The following CNTNAP2 variants were observed in gnomAD, a reference collection of about 807,000 sequenced individuals.
The protein encoded by CNTNAP2 is contactin associated protein 2.
CNTNAP2 carries 98 observed loss-of-function variants against 155.2 expected under a neutral mutation model. The ratio of observed to expected loss-of-function variants is 0.63; its 90% CI spans 0.54 to 0.75. The LOEUF (loss-of-function observed/expected upper bound fraction) is 0.75. Among genes scored for constraint, CNTNAP2 ranks in the 30% least tolerant of loss-of-function variants. The pLI, the probability that CNTNAP2 is intolerant of heterozygous loss-of-function variation, is 0.00. For synonymous variants in CNTNAP2, 651 were observed against 631.2 expected (o/e 1.03, Z -0.47); for missense variants, 1,727 against 1,688.1 (o/e 1.02, Z -0.40).
chr7:147,063,856 G>A (rs746533696), intron 4 of CNTNAP2, among the ~76,000 whole-genome samples: 36 of 152,058 alleles, frequency 2.4e-4, no homozygotes, highest in Middle Eastern at 3.4e-3. Flanking sequence ...AAATATAAAA[G>A]CAGTATAAAA....
intron 11 of CNTNAP2, among the ~76,000 whole-genome samples, chr7:147,524,489 A>G (rs903522679): frequency 1.3e-5 from 2 of 152,182 alleles, no homozygotes; most frequent in Non-Finnish European, 2.9e-5. Flanking sequence ...AATGTGGGAG[A>G]CAAAGGTTTA....
At chr7:147,590,844 T>C (rs150469281) in intron 12 of CNTNAP2, among the ~76,000 whole-genome samples, 221 of 152,270 alleles carry the variant, frequency 1.5e-3, no homozygotes, top group African/African-American at 4.9e-3. Context: ...ACAAGTTGAG[T>C]TCATTTTTAA....
intron 1 of CNTNAP2, among the ~76,000 whole-genome samples, chr7:146,317,958 G>A (rs896541307): frequency 3.3e-5 from 5 of 152,058 alleles, no homozygotes; most frequent in Admixed American, 2.0e-4. Context: ...TGGCTAACAC[G>A]GTGAAACCTC....
At chr7:147,797,198 T>G (rs1797911053) in intron 13 of CNTNAP2, among the ~76,000 whole-genome samples, 1 of 152,188 alleles carries the variant, frequency 6.6e-6, no homozygotes, top group South Asian at 2.1e-4. Flanking sequence ...TAATTTCACC[T>G]ACATGGTTAC....
At chr7:147,880,303 G>A (rs1799496732) in intron 13 of CNTNAP2, among the ~76,000 whole-genome samples, 1 of 152,210 alleles carries the variant, frequency 6.6e-6, no homozygotes, top group African/African-American at 2.4e-5. Flanking sequence ...CCAATAGCAG[G>A]ATGGATGGAT....
intron 4 of CNTNAP2, among the ~76,000 whole-genome samples, chr7:147,045,132 A>T (rs1198148938): frequency 6.6e-6 from 1 of 152,086 alleles, no homozygotes; most frequent in Non-Finnish European, 1.5e-5. Flanking sequence ...CAGCTGTTAC[A>T]ATTCCCTGGG....
At chr7:146,702,837 T>C (rs557777110) in intron 1 of CNTNAP2, among the ~76,000 whole-genome samples, 2 of 152,238 alleles carry the variant, frequency 1.3e-5, no homozygotes, top group South Asian at 2.1e-4. Flanking sequence ...CTTTAACATG[T>C]TAAAGATCAT....
chr7:147,087,223 T>C (rs895813378), intron 4 of CNTNAP2, among the ~76,000 whole-genome samples: 10 of 152,204 alleles, frequency 6.6e-5, no homozygotes, highest in African/African-American at 2.4e-4. Context: ...AAACGTTAAG[T>C]ATCATTAGAT....
At chr7:146,993,021 G>A (rs548999254) in intron 3 of CNTNAP2, among the ~76,000 whole-genome samples, 1 of 152,278 alleles carries the variant, frequency 6.6e-6, no homozygotes, top group East Asian at 1.9e-4. Context: ...AGCAACCTCA[G>A]TTCTTGCCTC....
intron 13 of CNTNAP2, among the ~76,000 whole-genome samples, chr7:147,880,479 C>T (rs778956009): frequency 8.6e-5 from 13 of 151,960 alleles, no homozygotes; most frequent in Non-Finnish European, 1.5e-4. Context: ...CTGATTTAAA[C>T]GTACAAATGA....
chr7:148,330,319 GAT>G (rs1371256700), intron 21 of CNTNAP2, among the ~76,000 whole-genome samples: 1 of 151,684 alleles, frequency 6.6e-6, no homozygotes, highest in African/African-American at 2.4e-5. Context: ...GGAGCAGATG[GAT>G]AGAGTGAACA....
chr7:147,860,148 G>A (rs1012837970), intron 13 of CNTNAP2, among the ~76,000 whole-genome samples: 1 of 152,122 alleles, frequency 6.6e-6, no homozygotes, highest in African/African-American at 2.4e-5. Context: ...TTGGAGACTG[G>A]GTGCAGTGGC....
intron 13 of CNTNAP2, among the ~76,000 whole-genome samples, chr7:147,658,581 C>T (rs1795563404): frequency 6.6e-6 from 1 of 152,176 alleles, no homozygotes; most frequent in South Asian, 2.1e-4. Context: ...CTTCTGTTCT[C>T]TACCCCGCCA....
At chr7:147,889,664 T>C (rs1370769138) in intron 13 of CNTNAP2, among the ~76,000 whole-genome samples, 1 of 152,196 alleles carries the variant, frequency 6.6e-6, no homozygotes, top group African/African-American at 2.4e-5. Context: ...TTAAAAATCA[T>C]TAAGTGTACA....
intron 13 of CNTNAP2, among the ~76,000 whole-genome samples, chr7:147,841,534 T>C (rs1049998639): frequency 2.6e-5 from 4 of 152,148 alleles, no homozygotes; most frequent in African/African-American, 9.7e-5. Flanking sequence ...GCAATTTTCA[T>C]AGACTCTGTT....
intron 18 of CNTNAP2, among the ~76,000 whole-genome samples, chr7:148,186,958 C>T (rs1795124958): frequency 6.6e-6 from 1 of 152,112 alleles, no homozygotes; most frequent in Non-Finnish European, 1.5e-5. Flanking sequence ...CCTTGGATAC[C>T]AGATAACACA....
rs550024956 is a variant in CNTNAP2, at chr7:147,646,610, C to G, written c.2098+7304C>G. Among the ~76,000 whole-genome samples the G allele has an allele frequency of 1.5e-3, 234 of 152,098 alleles. 1 individual carries two copies. Among genetic ancestry groups the G allele is most frequent in the African/African-American group, 5.5e-3 (227 of 41,504 alleles). ...CAATTTTTTTTTTCCTCATGCAAAG[C>G]CTCCTGTATTGCTTCAGCTTCCTGG... On this transcript the variant is annotated intron_variant, in intron 13 of 23. Transcript: ENST00000361727.
At chr7:148,144,399 G>A (rs1053981682) in intron 16 of CNTNAP2, among the ~76,000 whole-genome samples, 1 of 152,194 alleles carries the variant, frequency 6.6e-6, no homozygotes, top group African/African-American at 2.4e-5. Context: ...CATCCACCTG[G>A]GATGCCCTGC....
At chr7:146,631,027 T>C (rs1463133816) in intron 1 of CNTNAP2, among the ~76,000 whole-genome samples, 1 of 152,126 alleles carries the variant, frequency 6.6e-6, no homozygotes, top group African/African-American at 2.4e-5. Context: ...CAAGCTACCA[T>C]TGACTTTTTT....
Sources: allele counts gnomAD v4.1 joint callset (sites outside exome capture counted in the v4.1 genomes callset), GRCh38; gene constraint gnomAD v4.1.1; transcripts MANE v1.5; gene names NCBI Gene and HGNC (gene_info 2026-07-23, HGNC 2026-07-21).